ADCY2: variants seen among roughly 807,000 people sequenced by gnomAD.
ADCY2 encodes the protein adenylate cyclase 2, also known as adenylate cyclase type 2.
Under a neutral mutation model 125.2 loss-of-function variants are expected in ADCY2, and 31 were observed. That is an observed-to-expected ratio of 0.25 (90% confidence interval 0.19 to 0.33). The LOEUF is 0.33. ADCY2 is among the 10% of genes least tolerant of loss of function. The probability of loss-of-function intolerance (pLI) is 1.00; values close to 1 mark genes in which losing one functional copy is unlikely to be tolerated. For missense variants in ADCY2, 904 were observed against 1,418.2 expected (o/e 0.64, Z 5.82); for synonymous variants, 512 against 548.4 (o/e 0.93, Z 0.93).
intron 4 of ADCY2, among the ~76,000 whole-genome samples, chr5:7,656,453 A>C (rs1428897049): frequency 6.6e-6 from 1 of 152,246 alleles, no homozygotes; most frequent in Admixed American, 6.5e-5. Flanking sequence ...AAAATTAATC[A>C]ATTGATTCCA....
chr5:7,761,072 G>T (rs1319955953), intron 16 of ADCY2, among the ~76,000 whole-genome samples: 1 of 149,422 alleles, frequency 6.7e-6, no homozygotes, highest in Non-Finnish European at 1.5e-5. Flanking sequence ...CAAATGACAA[G>T]ATTTTTCTCT....
intron 14 of ADCY2, among the ~76,000 whole-genome samples, chr5:7,728,968 T>A (rs1423464041): frequency 6.6e-6 from 1 of 152,190 alleles, no homozygotes; most frequent in African/African-American, 2.4e-5. Flanking sequence ...GGCTTTGATT[T>A]TCTTGTCTCT....
At chr5:7,418,653 T>TTGTTTTTG (rs1554007125) in intron 2 of ADCY2, among the ~76,000 whole-genome samples, 5 of 128,250 alleles carry the variant, frequency 3.9e-5, no homozygotes, top group African/African-American at 1.6e-4. Context: ...TTCTGTTTTT[T>TTGTTTTTG]TTTTTTTTTT....
chr5:7,402,246 C>A (rs563050748), intron 1 of ADCY2, among the ~76,000 whole-genome samples: 1 of 152,184 alleles, frequency 6.6e-6, no homozygotes, highest in African/African-American at 2.4e-5. Context: ...TATATCCAAA[C>A]GTTTGGGAGG....
chr5:7,533,826 C>G (rs995800550), intron 3 of ADCY2, among the ~76,000 whole-genome samples: 14 of 152,238 alleles, frequency 9.2e-5, no homozygotes, highest in African/African-American at 3.4e-4. Flanking sequence ...GTGTTCTTAT[C>G]ATATGAACTA....
intron 3 of ADCY2, among the ~76,000 whole-genome samples, chr5:7,606,003 T>G (rs993640309): frequency 4.3e-5 from 6 of 138,716 alleles, no homozygotes; most frequent in Non-Finnish European, 1.5e-5. Context: ...CCTAATTTAT[T>G]GAGAGTTTTT....
At chr5:7,603,565 C>T (rs776728494) in intron 3 of ADCY2, among the ~76,000 whole-genome samples, 10 of 152,120 alleles carry the variant, frequency 6.6e-5, no homozygotes, top group African/African-American at 1.4e-4. Flanking sequence ...CCTCCTTGGA[C>T]GGAGAGTGCC....
intron 2 of ADCY2, among the ~76,000 whole-genome samples, chr5:7,470,638 G>T (rs945337429): frequency 7.0e-6 from 1 of 142,792 alleles, no homozygotes; most frequent in Admixed American, 6.8e-5. Context: ...GTATATATGT[G>T]TGTGTGTGTG....
chr5:7,675,889 A>G (rs1740110482), intron 4 of ADCY2, among the ~76,000 whole-genome samples: 1 of 152,216 alleles, frequency 6.6e-6, no homozygotes, highest in African/African-American at 2.4e-5. Flanking sequence ...CGTTGGTATT[A>G]TGTTGATGAT....
At chr5:7,481,772 T>TTG (rs35724998) in intron 2 of ADCY2, among the ~76,000 whole-genome samples, 3,352 of 149,930 alleles carry the variant, frequency 0.022, 75 homozygotes, top group African/African-American at 0.062. Context: ...CCATGCTGAT[T>TTG]TGTGTGTGTG....
intron 2 of ADCY2, among the ~76,000 whole-genome samples, chr5:7,466,640 ACTGG>A (rs1742128964): frequency 6.6e-6 from 1 of 152,218 alleles, no homozygotes; most frequent in Admixed American, 6.5e-5. Context: ...GAAGCCACAG[ACTGG>A]CTGCTAGAGC....
Position 7,707,814 on chromosome 5 carries a change from A to T in ADCY2, c.1377A>T (p.Lys459Asn). 6.2e-7 allele frequency: 1 copy of T among 1,614,144 alleles called. No homozygotes were observed. The highest frequency in any genetic ancestry group is 8.5e-7 in the Non-Finnish European group (1 of 1,180,022). ...RDPYLKQHLVKTYFVINPKGE... is the reference protein window; with the variant it reads ...RDPYLKQHLVNTYFVINPKGE... ...CATATTTAAAACAGCACCTGGTGAA[A>T]ACCTACTTTGTGATCAACCCCAAGG... The change falls in exon 9 of 25, where the codon AAA (lysine) becomes AAT (asparagine). Residue 459 changes from lysine (K) to asparagine (N), a missense_variant. Physicochemically the swap from Lys to Asn is moderately conservative, Grantham distance 94. Coordinates refer to ENST00000338316, the MANE Select transcript of ADCY2 (RefSeq NM_020546.3).
intron 1 of ADCY2, among the ~76,000 whole-genome samples, chr5:7,401,910 G>T (rs1739276584): frequency 6.6e-6 from 1 of 152,212 alleles, no homozygotes; most frequent in South Asian, 2.1e-4. Flanking sequence ...TGGTATATGG[G>T]TTCTTCCTGC....
intron 2 of ADCY2, among the ~76,000 whole-genome samples, chr5:7,489,448 G>A (rs1047807849): frequency 1.3e-5 from 2 of 152,046 alleles, no homozygotes; most frequent in Non-Finnish European, 2.9e-5. Context: ...CTCATCCTGG[G>A]GCCACTGCTG....
At chr5:7,672,965 G>A (rs1739982556) in intron 4 of ADCY2, among the ~76,000 whole-genome samples, 1 of 151,962 alleles carries the variant, frequency 6.6e-6, no homozygotes, top group Admixed American at 6.6e-5. Flanking sequence ...CTGTGACTCT[G>A]CCTCTTTCCT....
intron 3 of ADCY2, among the ~76,000 whole-genome samples, chr5:7,570,564 A>G (rs1736034812): frequency 6.6e-6 from 1 of 151,804 alleles, no homozygotes; most frequent in South Asian, 2.1e-4. Context: ...TGAAGAAAAA[A>G]TGCAGAAAAA....
rs187931896 is a variant in ADCY2 at position 7,479,592 on chromosome 5, C to T, written c.409-41146C>T. ...ATTTATCTTTTGTGTTACAAACAATCAAATTGTACTCTTATAGTTATTTTA... is the reference window on the plus strand; with the variant it reads ...ATTTATCTTTTGTGTTACAAACAATTAAATTGTACTCTTATAGTTATTTTA... On this transcript the variant is annotated intron_variant, in intron 2 of 24. Transcript: ENST00000338316. 5.0e-4 allele frequency among the ~76,000 whole-genome samples: 76 copies of T among 151,810 alleles called. 3 individuals are homozygous for T. In the Middle Eastern group the frequency reaches 0.014, roughly 27 times the overall value.
intron 3 of ADCY2, among the ~76,000 whole-genome samples, chr5:7,525,888 G>T (rs922718017): frequency 1.3e-5 from 2 of 152,046 alleles, no homozygotes; most frequent in African/African-American, 4.8e-5. Context: ...CCCTCCTCAT[G>T]CACAGATGCC....
intron 3 of ADCY2, among the ~76,000 whole-genome samples, chr5:7,545,643 A>C (rs991412498): frequency 6.6e-6 from 1 of 152,116 alleles, no homozygotes; most frequent in Non-Finnish European, 1.5e-5. Context: ...AGTGTCGACG[A>C]TTTTGTGCTT....
Sources: gnomAD v4.1 joint callset for allele counts (sites outside exome capture counted in the v4.1 genomes callset) on GRCh38, gnomAD v4.1.1 for gene constraint, MANE v1.5 for transcripts, NCBI Gene and HGNC (gene_info 2026-07-23, HGNC 2026-07-21) for gene names.